Variants in CDH18 observed in about 807,000 individuals in gnomAD.
CDH18 encodes the protein cadherin-18.
A neutral mutation model predicts 67.9 loss-of-function variants in CDH18; 31 were observed. The ratio of observed to expected loss-of-function variants is 0.46; its 90% CI spans 0.34 to 0.62. The LOEUF is 0.62. Among genes scored for constraint, CDH18 ranks in the 20% least tolerant of loss-of-function variants. The probability of loss-of-function intolerance (pLI) is 0.01; values close to 1 mark genes in which losing one functional copy is unlikely to be tolerated. For synonymous variants in CDH18, 362 were observed against 347.2 expected (o/e 1.04, Z -0.48); for missense variants, 890 against 975.5 (o/e 0.91, Z 1.17).
chr5:20,277,841 A>G (rs1202012221), intron 1 of CDH18, among the ~76,000 whole-genome samples: 2 of 152,166 alleles, frequency 1.3e-5, no homozygotes, highest in Non-Finnish European at 2.9e-5. Context: ...AAAGTCAAGC[A>G]GAAATTCTGG....
intron 5 of CDH18, among the ~76,000 whole-genome samples, chr5:19,616,162 T>A (rs957042594): frequency 9.9e-5 from 15 of 152,082 alleles, no homozygotes; most frequent in African/African-American, 1.9e-4. Context: ...TGATAAAAAA[T>A]TTTTAAATTA....
At chr5:20,257,705 C>A (rs1053127754) in intron 1 of CDH18, among the ~76,000 whole-genome samples, 2 of 152,050 alleles carry the variant, frequency 1.3e-5, no homozygotes, top group African/African-American at 2.4e-5. Context: ...TATTTAAATG[C>A]GATGAAACAA....
intron 1 of CDH18, among the ~76,000 whole-genome samples, chr5:20,277,468 C>A (rs1745895856): frequency 6.6e-6 from 1 of 152,170 alleles, no homozygotes; most frequent in Admixed American, 6.6e-5. Context: ...GCCTCCAGTG[C>A]AGATTGGCTG....
chr5:19,700,413 G>A (rs573320376), intron 5 of CDH18, among the ~76,000 whole-genome samples: 17 of 152,250 alleles, frequency 1.1e-4, no homozygotes, highest in African/African-American at 3.6e-4. Context: ...GTTGTGTAGC[G>A]CATGACTGTG....
chr5:19,831,735 C>G (rs1781053542), intron 3 of CDH18, among the ~76,000 whole-genome samples: 1 of 151,996 alleles, frequency 6.6e-6, no homozygotes, highest in African/African-American at 2.4e-5. Flanking sequence ...TTCAAACCAT[C>G]CAACCCACTA....
chr5:20,187,327 CA>C (rs981900883), intron 2 of CDH18, among the ~76,000 whole-genome samples: 11 of 151,290 alleles, frequency 7.3e-5, no homozygotes, highest in South Asian at 4.2e-4. Flanking sequence ...TAATATTAGG[CA>C]AAAAAATGTG....
In CDH18 at chr5:20,563,564, A is replaced by G. The variant is rs189926881; in HGVS notation, c.-580+11898T>C. ...TACTTAAATGTCAATTTTTTTTATT[A>G]TACTTTAAGTTCTAGGGTACATGTG... On this transcript the variant is annotated intron_variant, in intron 1 of 14. Coordinates refer to the CDH18 transcript ENST00000507958. 1.1e-4 allele frequency among the ~76,000 whole-genome samples: 17 copies of G among 152,188 alleles called. No homozygotes were observed. The East Asian group carries it at 3.1e-3, about 28-fold the overall frequency.
At chr5:20,501,581 T>TTA (rs1174327864) in intron 1 of CDH18, among the ~76,000 whole-genome samples, 7 of 13,036 alleles carry the variant, frequency 5.4e-4, no homozygotes, top group African/African-American at 1.2e-3. Context: ...TATATATATA[T>TTA]TATATATATA....
chr5:19,699,612 ATGTGTG>A (rs760334528), intron 5 of CDH18, among the ~76,000 whole-genome samples: 11 of 139,008 alleles, frequency 7.9e-5, no homozygotes, highest in Admixed American at 2.1e-4. Flanking sequence ...CTCTTTCTCC[ATGTGTG>A]TGTGTGTGTG....
In CDH18 at chr5:19,916,502, C is replaced by T. The variant is rs578151074; in HGVS notation, c.-257+64558G>A. Among the ~76,000 whole-genome samples, 3 of 152,294 alleles carry T rather than the reference C, an allele frequency of 2.0e-5. No homozygotes were observed. The South Asian group carries it at 6.2e-4, about 32-fold the overall frequency. On this transcript the variant is annotated intron_variant, in intron 2 of 12. Transcript: ENST00000382275. ...ACTTCATCCTCCTCTTCCTTCTCCA[C>T]ACTTTCTAACCTGCACATCTCTATT...
chr5:19,693,752 C>A (rs1346196822), intron 5 of CDH18, among the ~76,000 whole-genome samples: 1 of 151,946 alleles, frequency 6.6e-6, no homozygotes, highest in Non-Finnish European at 1.5e-5. Context: ...CAAAAATTAG[C>A]TCAGCATAGG....
At chr5:19,668,682 T>G (rs187684031) in intron 5 of CDH18, among the ~76,000 whole-genome samples, 2 of 152,264 alleles carry the variant, frequency 1.3e-5, no homozygotes, top group East Asian at 3.9e-4. Flanking sequence ...GAAAATAGTC[T>G]TGTAATGAAT....
intron 1 of CDH18, among the ~76,000 whole-genome samples, chr5:20,358,394 T>C (rs1385207174): frequency 6.6e-6 from 1 of 152,182 alleles, no homozygotes; most frequent in Non-Finnish European, 1.5e-5. Flanking sequence ...AGAATATAGA[T>C]ATTAAAAACA....
intron 2 of CDH18, among the ~76,000 whole-genome samples, chr5:20,126,342 C>G (rs2126449233): frequency 6.6e-6 from 1 of 152,202 alleles, no homozygotes; most frequent in Non-Finnish European, 1.5e-5. Flanking sequence ...AGTCTAACAC[C>G]TGAAACTATA....
At chr5:20,566,575 C>A (rs1465616732) in intron 1 of CDH18, among the ~76,000 whole-genome samples, 1 of 143,714 alleles carries the variant, frequency 7.0e-6, no homozygotes, top group Non-Finnish European at 1.5e-5. Flanking sequence ...CAGGGTTTCA[C>A]CATGTTGGCC....
intron 10 of CDH18, 80 bp downstream of exon 10, chr5:19,520,577 G>A (rs1283309819): frequency 8.2e-7 from 1 of 1,226,508 alleles, no homozygotes; most frequent in East Asian, 2.7e-5. Flanking sequence ...GGCTTTGGGG[G>A]ATTATACCTA....
chr5:20,379,275 T>C (rs559129422), intron 1 of CDH18, among the ~76,000 whole-genome samples: 83 of 152,322 alleles, frequency 5.4e-4, no homozygotes, highest in African/African-American at 2.0e-3. Context: ...CTTTTAATAT[T>C]GCTAGATCTT....
At chr5:20,438,907 A>T (rs1237156029) in intron 1 of CDH18, among the ~76,000 whole-genome samples, 1 of 151,540 alleles carries the variant, frequency 6.6e-6, no homozygotes, top group Non-Finnish European at 1.5e-5. Context: ...GAGACATACA[A>T]AATCATTTGT....
chr5:19,808,318 C>T lies in CDH18; in HGVS notation c.228+30441G>A, dbSNP rs182999407. On this transcript the variant is annotated intron_variant, in intron 3 of 12. Coordinates refer to ENST00000382275, the MANE Select transcript of CDH18 (RefSeq NM_004934.5). The stretch of plus-strand genomic sequence containing the variant: ...AAAAAATAAAACAAAACAACAACAA[C>T]AAAAAAAAAACAAAAATAAAACTGA... 7.9e-3 allele frequency among the ~76,000 whole-genome samples: 1,047 copies of T among 133,336 alleles called. 6 individuals are homozygous for T. Among genetic ancestry groups the T allele is most frequent in the African/African-American group, 0.014 (551 of 38,228 alleles). The allele number at this position is 133,336 out of a possible 152,430, so 87.5% of individuals were successfully genotyped here. A position where few individuals can be genotyped will look rare whatever the true frequency, so the allele number is the denominator to read the frequency against.
Sources: gnomAD v4.1 joint callset for allele counts (sites outside exome capture counted in the v4.1 genomes callset) on GRCh38, gnomAD v4.1.1 for gene constraint, MANE v1.5 for transcripts, NCBI Gene and HGNC (gene_info 2026-07-23, HGNC 2026-07-21) for gene names.